Variants in DDX60 observed in about 807,000 individuals in gnomAD.
DDX60 encodes DExD/H-box helicase 60, also known as probable ATP-dependent RNA helicase DDX60.
A neutral mutation model predicts 212.8 loss-of-function variants in DDX60; 165 were observed. The ratio of observed to expected loss-of-function variants is 0.78; its 90% CI spans 0.68 to 0.88. The LOEUF is 0.88. Ranked by LOEUF, DDX60 falls within the 40% of genes least tolerant of loss-of-function variation. The pLI, the probability that DDX60 is intolerant of heterozygous loss-of-function variation, is 0.00. For missense variants in DDX60, 1,905 were observed against 2,003.9 expected (o/e 0.95, Z 0.94); for synonymous variants, 703 against 685.3 (o/e 1.03, Z -0.40).
chr4:168,265,563 C>G (rs1481703961), intron 22 of DDX60: 2 of 152,122 alleles, frequency 1.3e-5, no homozygotes, highest in African/African-American at 2.4e-5. Flanking sequence ...CATCTGGGGT[C>G]ACAGCACACT....
chr4:168,318,428 C>G (rs1737499840), intron 1 of DDX60, among the ~76,000 whole-genome samples, 194 bp downstream of exon 1: 1 of 152,252 alleles, frequency 6.6e-6, no homozygotes, highest in Admixed American at 6.5e-5. Flanking sequence ...CGCCCCTCCC[C>G]ACGCCCGGCC....
At chr4:168,265,040 G>T (rs1734782263) in intron 22 of DDX60, among the ~76,000 whole-genome samples, 1 of 152,128 alleles carries the variant, frequency 6.6e-6, no homozygotes, top group African/African-American at 2.4e-5. Context: ...TTCTTTCAAG[G>T]ACTTCCTGGG....
chr4:168,280,409 A>C lies in DDX60; in HGVS notation c.1904T>G (p.Val635Gly). ...CCCCACCATTTCAACCTGAAGTTTC[A>C]CACAGCTACTTTTACAGGATTTCAA... ...DFLKSCKSSC[V>G]KLQVEMVGLT... Residue 635 changes from valine (V) to glycine (G), a missense_variant, in exon 14 of 38, where the codon GTG (valine) becomes GGG (glycine). Transcript: ENST00000393743. The C allele has an allele frequency of 1.2e-6, 2 of 1,614,190 alleles. No homozygotes were observed. The highest frequency in any genetic ancestry group is 1.7e-6 in the Non-Finnish European group (2 of 1,180,034).
At chr4:168,277,960 T>C (rs1179331577) in intron 14 of DDX60, among the ~76,000 whole-genome samples, 1 of 152,170 alleles carries the variant, frequency 6.6e-6, no homozygotes, top group Non-Finnish European at 1.5e-5. Context: ...TTGTCCCCCA[T>C]GTTCACACTG....
Position 168,246,528 on chromosome 4 carries a change from T to C in DDX60, c.4054A>G (p.Lys1352Glu). Residue 1352 changes from lysine (K) to glutamate (E), a missense_variant, in exon 30 of 38, where the codon AAA becomes GAA. Coordinates refer to ENST00000393743, the MANE Select transcript of DDX60 (RefSeq NM_017631.6). Reference protein sequence around the residue: ...IPFPKIGKLIKSNVPELRGHF... With the variant: ...IPFPKIGKLIESNVPELRGHF... ...CCTCTCAGCTCAGGAACATTGGATTTTATGAGTTTTCCTATTTTGGGGAAT... is the reference window on the plus strand; with the variant it reads ...CCTCTCAGCTCAGGAACATTGGATTCTATGAGTTTTCCTATTTTGGGGAAT... The C allele has an allele frequency of 1.1e-5, 18 of 1,614,098 alleles. No individual in the cohort carries two copies. The highest frequency in any genetic ancestry group is 1.5e-5 in the Non-Finnish European group (18 of 1,179,984).
At chr4:168,232,531 A>G (rs1733490867) in intron 33 of DDX60, among the ~76,000 whole-genome samples, 1 of 152,162 alleles carries the variant, frequency 6.6e-6, no homozygotes, top group Non-Finnish European at 1.5e-5. Flanking sequence ...CCAATGGAAC[A>G]GAATAAAGAA....
chr4:168,317,775 C>T (rs1466547617), intron 1 of DDX60, among the ~76,000 whole-genome samples: 2 of 152,156 alleles, frequency 1.3e-5, no homozygotes, highest in Admixed American at 6.5e-5. Context: ...CCTTCTTTAA[C>T]GGTATAAGCC....
intron 1 of DDX60, among the ~76,000 whole-genome samples, chr4:168,311,861 A>G (rs929870915): frequency 5.9e-5 from 9 of 152,282 alleles, no homozygotes; most frequent in Middle Eastern, 3.4e-3. Context: ...TAGAATGAAA[A>G]GTTAGCCACT....
chr4:168,252,385 T>C, intron 27 of DDX60, 124 bp downstream of exon 27: 4 of 1,175,892 alleles, frequency 3.4e-6, no homozygotes, highest in Non-Finnish European at 4.8e-6. Flanking sequence ...AGTTCTCTTT[T>C]GGTAGGGATT....
At chr4:168,236,213 T>C (rs1430845756) in intron 33 of DDX60, 39 bp downstream of exon 33, 1 of 1,595,216 alleles carries the variant, frequency 6.3e-7, no homozygotes. Flanking sequence ...TATTTAGTGG[T>C]TTTACATTAC....
chr4:168,260,496 G>C (rs993838145), intron 25 of DDX60, among the ~76,000 whole-genome samples: 2 of 152,176 alleles, frequency 1.3e-5, no homozygotes, highest in African/African-American at 4.8e-5. Flanking sequence ...TGGCACCGGG[G>C]ACTGGTTTCA....
rs151278330 is a variant in DDX60, at chr4:168,287,459, G to A, written c.1184-256C>T. ...AAGCACATTAACCCACAAACGCATCGTGAACATTTAACTACTCTTTAAGGT... is the reference window on the plus strand; with the variant it reads ...AAGCACATTAACCCACAAACGCATCATGAACATTTAACTACTCTTTAAGGT... On this transcript the variant is annotated intron_variant, in intron 9 of 37. Transcript: ENST00000393743. 3.9e-5 allele frequency among the ~76,000 whole-genome samples: 6 copies of A among 152,174 alleles called. No individual in the cohort carries two copies. The East Asian group carries it at 7.7e-4, about 20-fold the overall frequency.
At chr4:168,301,455 A>G (rs1186446723) in intron 6 of DDX60, among the ~76,000 whole-genome samples, 3 of 152,204 alleles carry the variant, frequency 2.0e-5, no homozygotes, top group Admixed American at 6.5e-5. Context: ...AGGGCTTGTA[A>G]AAGAACACAA....
chr4:168,265,024 T>C (rs769432489), intron 22 of DDX60, among the ~76,000 whole-genome samples: 5 of 152,204 alleles, frequency 3.3e-5, no homozygotes, highest in Admixed American at 6.5e-5. Flanking sequence ...AACAGATAGA[T>C]AGCAGTTCTT....
At position 168,240,264 on chromosome 4, in the gene DDX60, G is replaced by C. The variant is rs139374599; in HGVS notation, c.4165-2469C>G. Reference sequence around the variant, plus strand: ...TAATACCTAGGAATACAGCTAATAAGGGAAGTGAAGGACCTTTTCAAGGAG... The same window carrying C: ...TAATACCTAGGAATACAGCTAATAACGGAAGTGAAGGACCTTTTCAAGGAG... On this transcript the variant is annotated intron_variant, in intron 30 of 37. Transcript: ENST00000393743. 2.6e-5 allele frequency among the ~76,000 whole-genome samples: 4 copies of C among 152,212 alleles called. No homozygotes were observed. In the East Asian group the frequency reaches 7.7e-4, roughly 29 times the overall value.
chr4:168,276,113 A>AT lies in DDX60; in HGVS notation c.2046dup (p.Tyr683IlefsTer9). The AT allele has an allele frequency of 6.2e-7, 1 of 1,613,482 alleles. No homozygotes were observed. The highest frequency in any genetic ancestry group is 1.7e-5 in the Admixed American group (1 of 59,998). On this transcript the variant is annotated frameshift_variant, in exon 15 of 38. Transcript: ENST00000393743. LOFTEE classifies it high-confidence loss of function. ...TCATCTTCTTGTAAAAGTTCTGAGTATTTTTCCATCAAGGAGTGGATCCTT... is the reference window on the plus strand; with the variant it reads ...TCATCTTCTTGTAAAAGTTCTGAGTATTTTTTCCATCAAGGAGTGGATCCTT...
chr4:168,320,414 G>A (rs577799110), upstream of DDX60, among the ~76,000 whole-genome samples: 11 of 152,196 alleles, frequency 7.2e-5, no homozygotes, highest in African/African-American at 1.4e-4. Flanking sequence ...AAGGGACCAC[G>A]GGCCAAGGAG....
chr4:168,296,332 A>T (rs1736341952), intron 6 of DDX60, among the ~76,000 whole-genome samples: 1 of 152,076 alleles, frequency 6.6e-6, no homozygotes, highest in Admixed American at 6.5e-5. Context: ...ACTATTTAAA[A>T]GGAACTACCT....
rs182286972 is a variant in DDX60, at chr4:168,298,878, C to T, written c.723+3422G>A. 3.3e-3 allele frequency among the ~76,000 whole-genome samples: 506 copies of T among 151,660 alleles called. 2 individuals carry two copies. The highest frequency in any genetic ancestry group is 0.011 in the African/African-American group (467 of 41,390). ...AAAAAGAAATTTTAAAAATCATGAACGTAGCCGGGCACGGTGGCTCATGCC... is the reference window on the plus strand; with the variant it reads ...AAAAAGAAATTTTAAAAATCATGAATGTAGCCGGGCACGGTGGCTCATGCC... On this transcript the variant is annotated intron_variant, in intron 6 of 37. Coordinates refer to ENST00000393743, the MANE Select transcript of DDX60 (RefSeq NM_017631.6).
Sources: gnomAD v4.1 joint callset for allele counts (sites outside exome capture counted in the v4.1 genomes callset) on GRCh38, gnomAD v4.1.1 for gene constraint, MANE v1.5 for transcripts, NCBI Gene and HGNC (gene_info 2026-07-23, HGNC 2026-07-21) for gene names.